The following PSMA1 variants were observed in gnomAD, a reference collection of about 807,000 sequenced individuals.
The protein encoded by PSMA1 is proteasome 20S subunit alpha 1.
PSMA1 carries 3 observed loss-of-function variants against 38.4 expected under a neutral mutation model. That is an observed-to-expected ratio of 0.08 (90% CI 0.04 to 0.20). The LOEUF is 0.20. Ranked by LOEUF, PSMA1 falls within the 10% of genes least tolerant of loss-of-function variation. PSMA1 has a pLI of 1.00. For synonymous variants in PSMA1, 101 were observed against 107.1 expected (o/e 0.94, Z 0.35); for missense variants, 227 against 325.3 (o/e 0.70, Z 2.32).
intron 1 of PSMA1, among the ~76,000 whole-genome samples, chr11:14,625,758 A>G (rs1467277017): frequency 1.3e-5 from 2 of 152,186 alleles, no homozygotes. Flanking sequence ...TGAGACTTGC[A>G]TCACAGTCTG....
At chr11:14,515,076 C>T (rs1322620113) in intron 4 of PSMA1, among the ~76,000 whole-genome samples, 1 of 152,202 alleles carries the variant, frequency 6.6e-6, no homozygotes, top group African/African-American at 2.4e-5. Flanking sequence ...GAATTTATGC[C>T]TATAAATAAG....
intron 1 of PSMA1, among the ~76,000 whole-genome samples, chr11:14,620,765 C>T (rs1047548419): frequency 6.6e-6 from 1 of 152,186 alleles, no homozygotes; most frequent in Non-Finnish European, 1.5e-5. Flanking sequence ...TGTCCAACAA[C>T]CCACTTCCTA....
At chr11:14,522,568 A>G (rs1343865654), upstream of PSMA1, among the ~76,000 whole-genome samples, 2 of 152,178 alleles carry the variant, frequency 1.3e-5, no homozygotes, top group Non-Finnish European at 2.9e-5. Flanking sequence ...TGATAGGCCA[A>G]AAAAGAAAAC....
At chr11:14,579,658 G>A (rs1385769115) in intron 2 of PSMA1, among the ~76,000 whole-genome samples, 1 of 151,958 alleles carries the variant, frequency 6.6e-6, no homozygotes, top group East Asian at 1.9e-4. Context: ...ATTGAGAGGA[G>A]TATGTCTTGA....
At chr11:14,630,485 T>C (rs1342283187) in intron 1 of PSMA1, among the ~76,000 whole-genome samples, 1 of 152,202 alleles carries the variant, frequency 6.6e-6, no homozygotes, top group African/African-American at 2.4e-5. Flanking sequence ...TTGCGTATAT[T>C]GAACCAGCCT....
At chr11:14,559,162 AAAAG>A (rs1025848946) in intron 2 of PSMA1, among the ~76,000 whole-genome samples, 14 of 152,378 alleles carry the variant, frequency 9.2e-5, no homozygotes, top group African/African-American at 3.4e-4. Flanking sequence ...AAGGAAACAA[AAAAG>A]AAAGGAAGCA....
intron 2 of PSMA1, among the ~76,000 whole-genome samples, chr11:14,551,013 T>TAGCACAC (rs2134168629): frequency 1.3e-5 from 2 of 152,296 alleles, no homozygotes; most frequent in Non-Finnish European, 2.9e-5. Context: ...TATCTAAATA[T>TAGCACAC]AGCACACAGC....
At chr11:14,541,595 C>T (rs938890104) in intron 2 of PSMA1, among the ~76,000 whole-genome samples, 3 of 152,226 alleles carry the variant, frequency 2.0e-5, no homozygotes, top group Non-Finnish European at 4.4e-5. Flanking sequence ...CTCTGCTTCC[C>T]CACTGCCCAC....
chr11:14,563,456 C>T (rs1175986542), intron 2 of PSMA1, among the ~76,000 whole-genome samples: 1 of 152,174 alleles, frequency 6.6e-6, no homozygotes, highest in Non-Finnish European at 1.5e-5. Context: ...ACAGGCAGTG[C>T]AGACCTTTGC....
chr11:14,519,168 G>A lies in PSMA1; in HGVS notation c.4-127C>T, dbSNP rs779334630. On this transcript the variant is annotated intron_variant, in intron 1 of 9. Coordinates refer to ENST00000396394, the MANE Select transcript of PSMA1 (RefSeq NM_002786.4). The stretch of plus-strand genomic sequence containing the variant: ...GGCACTCTGTTCATGCAGTCTTACT[G>A]GAAGATTACTACTGTACTCAGATGT... The A allele has an allele frequency of 1.1e-5, 9 of 787,558 alleles. No individual in the cohort carries two copies. The African/African-American group carries it at 1.4e-4, about 12-fold the overall frequency. 48.8% of individuals were successfully genotyped at this position (787,558 alleles called of 1,614,324 possible).
intron 2 of PSMA1, among the ~76,000 whole-genome samples, chr11:14,557,276 T>TCCAGCCTG (rs2134171443): frequency 6.6e-6 from 1 of 152,292 alleles, no homozygotes; most frequent in South Asian, 2.1e-4. Context: ...TCTCACTCTG[T>TCCAGCCTG]CACCAGGCTG....
intron 5 of PSMA1, 87 bp from the exon 6 acceptor site, chr11:14,513,974 C>T (rs989513646): frequency 2.2e-5 from 31 of 1,415,884 alleles, no homozygotes; most frequent in Non-Finnish European, 2.7e-5. Flanking sequence ...AGGTCTCTGG[C>T]TTATTCTTTA....
intron 2 of PSMA1, among the ~76,000 whole-genome samples, chr11:14,580,955 G>A (rs915322426): frequency 2.0e-5 from 3 of 152,196 alleles, no homozygotes; most frequent in Admixed American, 6.5e-5. Flanking sequence ...AACACATCAG[G>A]AGTGATAGGA....
intron 2 of PSMA1, chr11:14,610,775 T>C (rs1383786962): frequency 3.4e-6 from 2 of 586,982 alleles, no homozygotes; most frequent in Non-Finnish European, 6.0e-6. Context: ...CTGGTATGAT[T>C]TGCTGGATTT....
chr11:14,515,930 G>A (rs901994503), intron 4 of PSMA1, among the ~76,000 whole-genome samples: 2 of 149,946 alleles, frequency 1.3e-5, no homozygotes, highest in African/African-American at 2.5e-5. Context: ...GGTCTCACTC[G>A]GCTAGGTGCT....
At chr11:14,512,797 A>G (rs780998480) in intron 7 of PSMA1, among the ~76,000 whole-genome samples, 3 of 152,218 alleles carry the variant, frequency 2.0e-5, no homozygotes, top group Non-Finnish European at 4.4e-5. Flanking sequence ...GTCCTAGCAT[A>G]TCTCCAAATT....
At chr11:14,517,854 G>A (rs1164273910) in intron 3 of PSMA1, 26 bp downstream of exon 3, 7 of 1,552,782 alleles carry the variant, frequency 4.5e-6, no homozygotes, top group Admixed American at 3.8e-5. Context: ...TTCTACAGAG[G>A]AAGACATATT....
intron 2 of PSMA1, among the ~76,000 whole-genome samples, chr11:14,588,398 C>T (rs118052204): frequency 1.1e-3 from 167 of 152,206 alleles, no homozygotes; most frequent in Non-Finnish European, 2.1e-3. Context: ...ACCTTGAAAT[C>T]CTTGATAGCT....
intron 2 of PSMA1, 144 bp from the exon 3 acceptor site, chr11:14,518,125 G>C: frequency 3.3e-6 from 2 of 598,262 alleles, no homozygotes; most frequent in East Asian, 3.0e-5. Flanking sequence ...TTTTGAGACA[G>C]GTTCTCACTC....
Sources: allele counts gnomAD v4.1 joint callset (sites outside exome capture counted in the v4.1 genomes callset), GRCh38; gene constraint gnomAD v4.1.1; transcripts MANE v1.5; gene names NCBI Gene and HGNC (gene_info 2026-07-23, HGNC 2026-07-21).